Variants in PRKG1 observed in about 807,000 individuals in gnomAD.
PRKG1 encodes the protein protein kinase cGMP-dependent 1, also known as cGMP-dependent protein kinase 1.
PRKG1 carries 35 observed loss-of-function variants against 88.1 expected under a neutral mutation model. That is an observed-to-expected ratio of 0.40 (90% confidence interval 0.30 to 0.53). The LOEUF (loss-of-function observed/expected upper bound fraction) is 0.53. PRKG1 is among the 20% of genes least tolerant of loss of function. The probability of loss-of-function intolerance (pLI) is 0.59; values close to 1 mark genes in which losing one functional copy is unlikely to be tolerated. For missense variants in PRKG1, 540 were observed against 839.8 expected (o/e 0.64, Z 4.41); for synonymous variants, 303 against 292.5 (o/e 1.04, Z -0.37).
chr10:52,008,091 T>C (rs770787656), intron 5 of PRKG1, among the ~76,000 whole-genome samples: 5 of 152,034 alleles, frequency 3.3e-5, no homozygotes, highest in Non-Finnish European at 5.9e-5. Flanking sequence ...AGAACAAAGA[T>C]ACAACATACC....
At position 51,636,706 on chromosome 10, in the gene PRKG1, C is replaced by T. The variant is rs567340938; in HGVS notation, c.593-167879C>T. 3.3e-5 allele frequency among the ~76,000 whole-genome samples: 5 copies of T among 152,282 alleles called. No homozygotes were observed. The South Asian group carries it at 1.0e-3, about 32-fold the overall frequency. On this transcript the variant is annotated intron_variant, in intron 3 of 17. Coordinates refer to ENST00000373980, the MANE Select transcript of PRKG1 (RefSeq NM_006258.4). ...CTTTTCATTTGACCATCTGTCCAGC[C>T]AGAACGTAAAGATCTATTTGGCTCA...
At chr10:51,591,941 G>A (rs1164373605) in intron 3 of PRKG1, among the ~76,000 whole-genome samples, 2 of 152,098 alleles carry the variant, frequency 1.3e-5, no homozygotes, top group African/African-American at 4.8e-5. Context: ...TTAAAAAACA[G>A]CAACCCAACA....
intron 1 of PRKG1, among the ~76,000 whole-genome samples, chr10:51,125,288 C>T (rs976309397): frequency 1.3e-5 from 2 of 151,842 alleles, no homozygotes; most frequent in African/African-American, 2.4e-5. Flanking sequence ...AGCACCACTG[C>T]ACTCCATCCT....
chr10:52,088,033 C>T (rs1386816689), intron 7 of PRKG1, among the ~76,000 whole-genome samples: 1 of 152,144 alleles, frequency 6.6e-6, no homozygotes, highest in Admixed American at 6.6e-5. Flanking sequence ...GCATCCCATA[C>T]TCCCACCCTA....
At chr10:51,987,471 T>TTC (rs542597453) in intron 5 of PRKG1, among the ~76,000 whole-genome samples, 2,403 of 151,744 alleles carry the variant, frequency 0.016, 51 homozygotes, top group Middle Eastern at 0.054. Context: ...TTTTTTTTTT[T>TTC]TTTCTGAAAC....
intron 2 of PRKG1, among the ~76,000 whole-genome samples, chr10:51,296,473 G>C (rs1266500689): frequency 6.6e-6 from 1 of 151,928 alleles, no homozygotes; most frequent in Non-Finnish European, 1.5e-5. Flanking sequence ...GCATATAATT[G>C]TTCACAATAG....
intron 6 of PRKG1, among the ~76,000 whole-genome samples, chr10:52,056,350 T>A (rs1054748729): frequency 5.7e-4 from 87 of 152,358 alleles, no homozygotes; most frequent in African/African-American, 2.0e-3. Context: ...CTTTACTACA[T>A]GGCTAATTCT....
chr10:52,142,929 G>C (rs575255187), intron 8 of PRKG1, among the ~76,000 whole-genome samples: 1 of 152,206 alleles, frequency 6.6e-6, no homozygotes, highest in East Asian at 1.9e-4. Flanking sequence ...AATTAGCACA[G>C]TATCAGGAAA....
chr10:51,533,221 A>C (rs1842059551), intron 3 of PRKG1, among the ~76,000 whole-genome samples: 1 of 152,212 alleles, frequency 6.6e-6, no homozygotes, highest in South Asian at 2.1e-4. Context: ...GCATTTATCA[A>C]ATATGGATTT....
intron 1 of PRKG1, among the ~76,000 whole-genome samples, chr10:51,100,762 G>A (rs1192738621): frequency 6.6e-6 from 1 of 152,174 alleles, no homozygotes; most frequent in Non-Finnish European, 1.5e-5. Context: ...GGCAAGACAG[G>A]AATGTAGACT....
At chr10:51,122,014 C>T (rs149750069) in intron 1 of PRKG1, among the ~76,000 whole-genome samples, 4 of 152,222 alleles carry the variant, frequency 2.6e-5, no homozygotes, top group Admixed American at 6.5e-5. Flanking sequence ...TTGTATTGTA[C>T]GTACATCTGT....
At chr10:51,783,433 C>T (rs1051128102) in intron 3 of PRKG1, among the ~76,000 whole-genome samples, 3 of 152,034 alleles carry the variant, frequency 2.0e-5, no homozygotes, top group African/African-American at 7.2e-5. Flanking sequence ...CGTCCCCCAC[C>T]ACGCTCAGCA....
intron 3 of PRKG1, among the ~76,000 whole-genome samples, chr10:51,545,371 T>G (rs1842421301): frequency 2.0e-5 from 3 of 152,144 alleles, no homozygotes; most frequent in Admixed American, 2.0e-4. Flanking sequence ...AGTAATGAAT[T>G]TGTCCTCATG....
At chr10:51,448,074 C>T (rs1431151068) in intron 2 of PRKG1, among the ~76,000 whole-genome samples, 1 of 151,898 alleles carries the variant, frequency 6.6e-6, no homozygotes, top group Non-Finnish European at 1.5e-5. Flanking sequence ...CACACACACA[C>T]ATACACACAC....
rs1453991158 is a variant in PRKG1, at chr10:51,078,710, G to A, written c.311+3809G>A. On this transcript the variant is annotated intron_variant, in intron 1 of 17. Coordinates refer to ENST00000373980, the MANE Select transcript of PRKG1 (RefSeq NM_006258.4). ...CAGCTCACTGCAAGCTCTGCCTCCC[G>A]GGTTCACACCATTCTCTTGCCTCAG... is the stretch of plus-strand genomic sequence containing the variant. Among the ~76,000 whole-genome samples, 6 of 151,506 alleles carry A rather than the reference G, an allele frequency of 4.0e-5. 1 individual carries two copies. Among genetic ancestry groups the A allele is most frequent in the East Asian group, 3.9e-4 (2 of 5,166 alleles).
At chr10:51,321,454 T>G (rs1271321310) in intron 2 of PRKG1, among the ~76,000 whole-genome samples, 1 of 152,132 alleles carries the variant, frequency 6.6e-6, no homozygotes, top group Admixed American at 6.5e-5. Context: ...CCTAATTATA[T>G]TATAGTTAAA....
At chr10:52,087,414 CT>C (rs1564463478) in intron 7 of PRKG1, among the ~76,000 whole-genome samples, 12 of 152,012 alleles carry the variant, frequency 7.9e-5, no homozygotes. Context: ...GAAAATTTAT[CT>C]TTTTTTGAGA....
At chr10:51,346,673 A>G (rs955532198) in intron 2 of PRKG1, among the ~76,000 whole-genome samples, 6 of 152,240 alleles carry the variant, frequency 3.9e-5, no homozygotes, top group African/African-American at 1.4e-4. Flanking sequence ...CAAAAAAGCA[A>G]TCACTTTTTC....
chr10:52,029,275 G>A (rs1262824800), intron 5 of PRKG1, among the ~76,000 whole-genome samples: 1 of 152,116 alleles, frequency 6.6e-6, no homozygotes, highest in African/African-American at 2.4e-5. Context: ...GTTCACAAAT[G>A]AATTTCTTTC....
Sources: allele counts gnomAD v4.1 joint callset (sites outside exome capture counted in the v4.1 genomes callset), GRCh38; gene constraint gnomAD v4.1.1; transcripts MANE v1.5; gene names NCBI Gene and HGNC (gene_info 2026-07-23, HGNC 2026-07-21).